The following SARS1 variants were observed in gnomAD, a reference collection of about 807,000 sequenced individuals.
SARS1 encodes serine--tRNA ligase, cytoplasmic.
In SARS1, 25 loss-of-function variants were observed where a neutral mutation model predicts 63.7. That is an observed-to-expected ratio of 0.39 (90% CI 0.29 to 0.55). The LOEUF is 0.55. SARS1 is among the 20% of genes least tolerant of loss of function. SARS1 has a pLI of 0.62. For missense variants in SARS1, 417 were observed against 649.7 expected, an observed-to-expected ratio of 0.64 and a Z score of 3.89; for synonymous variants, 231 against 243.5, an observed-to-expected ratio of 0.95 and a Z score of 0.48.
intron 1 of SARS1, chr1:109,216,133 G>T (rs926001863): frequency 4.1e-6 from 4 of 985,402 alleles, no homozygotes; most frequent in Non-Finnish European, 4.8e-6. Context: ...GTAGACACTG[G>T]CAGATTTATA....
intron 1 of SARS1, among the ~76,000 whole-genome samples, chr1:109,222,236 A>T (rs1654965791): frequency 6.6e-6 from 1 of 151,448 alleles, no homozygotes; most frequent in Non-Finnish European, 1.5e-5. Flanking sequence ...ACGATTATAG[A>T]TTTACAGGAA....
rs954936866 is a variant in SARS1, at chr1:109,237,197, C to T, written c.1258-47C>T. The T allele has an allele frequency of 1.0e-5, 16 of 1,584,346 alleles. No homozygotes were observed. Among genetic ancestry groups the T allele is most frequent in the Middle Eastern group, 1.7e-4 (1 of 5,730 alleles). ...ATGGTTCCTGGCCGTCAGTAAGACCCGATGAGAGTTGAGCCCGACTTCCCC... is the reference window on the plus strand; with the variant it reads ...ATGGTTCCTGGCCGTCAGTAAGACCTGATGAGAGTTGAGCCCGACTTCCCC... On this transcript the variant is annotated intron_variant, in intron 9 of 10. Transcript: ENST00000234677. This position sits in a 1 kb window ranked among gnomAD's most constrained non-coding sequence, Gnocchi z 4.1.
Position 109,235,138 on chromosome 1 carries a change from T to C in SARS1, c.748-72T>C. On this transcript the variant is annotated intron_variant, in intron 6 of 10. Transcript: ENST00000234677. This position sits in a 1 kb window ranked among gnomAD's most constrained non-coding sequence, Gnocchi z 4.7. ...TTTCCTGCACTATTATTGATCTCTT[T>C]CTTGTGGTTTCTTATTCTAGCCAAG... The C allele has an allele frequency of 8.3e-7, 1 of 1,211,464 alleles. No homozygotes were observed. 75.0% of individuals were successfully genotyped at this position (1,211,464 alleles called of 1,614,324 possible). A position where few individuals can be genotyped will look rare whatever the true frequency, so the allele number is the denominator to read the frequency against.
chr1:109,229,361 G>T, intron 3 of SARS1, 53 bp from the exon 4 acceptor site: 1 of 1,580,886 alleles, frequency 6.3e-7, no homozygotes, highest in East Asian at 2.2e-5. Flanking sequence ...TCATATTCCT[G>T]TGCTGTCCTT....
At chr1:109,227,928 A>AG (rs1655126226) in intron 2 of SARS1, among the ~76,000 whole-genome samples, 3 of 151,018 alleles carry the variant, frequency 2.0e-5, no homozygotes, top group Admixed American at 2.0e-4. Context: ...AAAAAAAAAA[A>AG]AAAAAAAGAA....
intron 1 of SARS1, among the ~76,000 whole-genome samples, chr1:109,218,366 GA>G (rs35425522): frequency 3.2e-4 from 37 of 114,272 alleles, no homozygotes; most frequent in African/African-American, 6.2e-4. Flanking sequence ...GACTTCATCT[GA>G]AAAAAAAAAA....
chr1:109,218,226 G>A (rs1654838744), intron 1 of SARS1, among the ~76,000 whole-genome samples: 2 of 148,378 alleles, frequency 1.3e-5, no homozygotes, highest in Admixed American at 6.7e-5. Context: ...AATTAGCCAG[G>A]CGTGGTGGCG....
At chr1:109,236,926 A>G in intron 9 of SARS1, 1 of 1,537,964 alleles carries the variant, frequency 6.5e-7, no homozygotes, top group Non-Finnish European at 8.7e-7. Context: ...ACTCTTTTCC[A>G]AGTCAGGTGC....
chr1:109,236,373 A>G lies in SARS1; in HGVS notation c.1100-18A>G. 4 of 1,581,148 alleles carry G rather than the reference A, an allele frequency of 2.5e-6. No homozygotes were observed. The highest frequency in any genetic ancestry group is 1.1e-5 in the South Asian group (1 of 89,666). Reference sequence around the variant, plus strand: ...ATACCATCCCTCCTTCATGAATTCTAGGGGTTTTTCCTTACAGGTTCTTTG... The same window carrying G: ...ATACCATCCCTCCTTCATGAATTCTGGGGGTTTTTCCTTACAGGTTCTTTG... On this transcript the variant is annotated intron_variant, in intron 8 of 10. Transcript: ENST00000234677.
chr1:109,237,045 G>A lies in SARS1; in HGVS notation c.1258-199G>A, dbSNP rs2101209988. On this transcript the variant is annotated intron_variant, in intron 9 of 10. Coordinates refer to ENST00000234677, the MANE Select transcript of SARS1 (RefSeq NM_006513.4). The surrounding 1 kb of genome is among the most constrained non-coding windows in gnomAD (Gnocchi z 4.1). ...CACTTGTCACTCATCGAAACATGAGGGATCTTTCTGCAGTTATCTAATAGG... is the reference window on the plus strand; with the variant it reads ...CACTTGTCACTCATCGAAACATGAGAGATCTTTCTGCAGTTATCTAATAGG... 3.3e-6 allele frequency: 4 copies of A among 1,229,472 alleles called. No homozygotes were observed. The highest frequency in any genetic ancestry group is 3.0e-5 in the Admixed American group (1 of 33,520). 76.2% of individuals were successfully genotyped at this position (1,229,472 alleles called of 1,614,324 possible). A position where few individuals can be genotyped will look rare whatever the true frequency, so the allele number is the denominator to read the frequency against.
At chr1:109,233,547 T>C (rs1437029091) in intron 6 of SARS1, among the ~76,000 whole-genome samples, 1 of 152,072 alleles carries the variant, frequency 6.6e-6, no homozygotes, top group Non-Finnish European at 1.5e-5. Context: ...GAGGGAATTA[T>C]CTGCTTTCCC....
intron 4 of SARS1, 27 bp from the exon 5 acceptor site, chr1:109,230,851 T>A (rs1204859663): frequency 3.2e-6 from 5 of 1,575,032 alleles, no homozygotes; most frequent in Non-Finnish European, 4.3e-6. Flanking sequence ...ATGTCTTGTA[T>A]GTCTCTTTCT....
rs78706072 is a variant in SARS1, at chr1:109,214,149, G to A, written c.136+21G>A. 1,801 of 1,611,824 alleles carry A rather than the reference G, an allele frequency of 1.1e-3. 24 individuals carry two copies. In the East Asian group the frequency reaches 0.027, roughly 24 times the overall value. ...ACGATGTAAGTACCGGGACGGGCGG[G>A]TTACCTCCTTGATGCTAAACCCAAT... On this transcript the variant is annotated intron_variant, in intron 1 of 10. Coordinates refer to ENST00000234677, the MANE Select transcript of SARS1 (RefSeq NM_006513.4). This position sits in a 1 kb window ranked among gnomAD's most constrained non-coding sequence, Gnocchi z 4.6.
At chr1:109,226,160 T>G (rs1655063604) in intron 2 of SARS1, among the ~76,000 whole-genome samples, 2 of 149,754 alleles carry the variant, frequency 1.3e-5, no homozygotes, top group East Asian at 2.0e-4. Context: ...TTTTTTTTTT[T>G]TTTTGTTGAG....
intron 1 of SARS1, among the ~76,000 whole-genome samples, chr1:109,217,715 C>T (rs1022947606): frequency 3.3e-5 from 5 of 151,916 alleles, no homozygotes; most frequent in African/African-American, 9.7e-5. Flanking sequence ...TGTGCACCAC[C>T]ATGCCCAGCT....
At chr1:109,221,970 G>A (rs1203022892) in intron 1 of SARS1, among the ~76,000 whole-genome samples, 22 of 28,062 alleles carry the variant, frequency 7.8e-4, no homozygotes, top group African/African-American at 2.6e-3. Context: ...TTGTGTGTGT[G>A]TATATATATA....
chr1:109,234,970 G>C (rs1386386336), intron 6 of SARS1, among the ~76,000 whole-genome samples: 1 of 151,682 alleles, frequency 6.6e-6, no homozygotes, highest in Non-Finnish European at 1.5e-5. Context: ...TGTCTCAAAA[G>C]CAAAAAAAAG....
chr1:109,218,882 T>C (rs1314477822), intron 1 of SARS1, among the ~76,000 whole-genome samples: 1 of 152,176 alleles, frequency 6.6e-6, no homozygotes. Context: ...CTTATTTTTA[T>C]TGACATAGAT....
At position 109,238,099 on chromosome 1, in the gene SARS1, A is replaced by G. The variant is rs1216253769; in HGVS notation, c.*211A>G. Reference sequence around the variant, plus strand: ...TCATTGATGACTGATGAAACCATGTAATAAAGCATCTCTGGGGAGGGCTTA... The same window carrying G: ...TCATTGATGACTGATGAAACCATGTGATAAAGCATCTCTGGGGAGGGCTTA... On this transcript the variant is annotated 3_prime_UTR_variant, in exon 11 of 11. Coordinates refer to ENST00000234677, the MANE Select transcript of SARS1 (RefSeq NM_006513.4). 2 of 603,972 alleles carry G rather than the reference A, an allele frequency of 3.3e-6. No individual in the cohort carries two copies. The highest frequency in any genetic ancestry group is 5.9e-6 in the Non-Finnish European group (2 of 337,180). 37.4% of individuals were successfully genotyped at this position (603,972 alleles called of 1,614,324 possible).
Sources: gnomAD v4.1 joint callset for allele counts (sites outside exome capture counted in the v4.1 genomes callset) on GRCh38, gnomAD v4.1.1 for gene constraint, Gnocchi (gnomAD v3.1) non-coding constraint, MANE v1.5 for transcripts, NCBI Gene and HGNC (gene_info 2026-07-23, HGNC 2026-07-21) for gene names.